MBD2: variants seen among roughly 807,000 people sequenced by gnomAD.
MBD2 encodes methyl-CpG binding domain protein 2, also known as methyl-CpG-binding domain protein 2.
Under a neutral mutation model 39.3 loss-of-function variants are expected in MBD2, and 9 were observed. The ratio of observed to expected loss-of-function variants is 0.23; its 90% CI spans 0.14 to 0.40. The LOEUF is 0.40. Among genes scored for constraint, MBD2 ranks in the 10% least tolerant of loss-of-function variants. The pLI is 1.00. For synonymous variants in MBD2, 233 were observed against 211.1 expected, an observed-to-expected ratio of 1.10 and a Z score of -0.90; for missense variants, 458 against 532.6, an observed-to-expected ratio of 0.86 and a Z score of 1.38.
intron 3 of MBD2, among the ~76,000 whole-genome samples, chr18:54,166,546 A>T (rs2086134178): frequency 1.3e-5 from 2 of 152,212 alleles, no homozygotes; most frequent in Admixed American, 6.5e-5. Flanking sequence ...AAATTACGTG[A>T]TGTGTTATCC....
intron 6 of MBD2, among the ~76,000 whole-genome samples, chr18:54,157,369 T>C (rs1024215223): frequency 1.5e-4 from 23 of 151,946 alleles, no homozygotes; most frequent in Admixed American, 1.5e-3. Context: ...CAAGCGATTC[T>C]CCTGCCTCAG....
In MBD2 at chr18:54,153,333, G is replaced by A. The variant is rs1316586120; in HGVS notation, c.*1991C>T. 2 of 152,248 alleles carry A rather than the reference G, an allele frequency of 1.3e-5. No homozygotes were observed. Among genetic ancestry groups the A allele is most frequent in the Non-Finnish European group, 2.9e-5 (2 of 68,104 alleles). The allele number at this position is 152,248 out of a possible 1,614,324, so 9.4% of individuals were successfully genotyped here. ...GGTGGTAGGTTTGTGGGGACCAGGT[G>A]ATGAAGTTTTGAACATGTTGTCTTG... On this transcript the variant is annotated 3_prime_UTR_variant, in exon 7 of 7. Coordinates refer to ENST00000256429, the MANE Select transcript of MBD2 (RefSeq NM_003927.5).
intron 2 of MBD2, chr18:54,202,991 C>T (rs2086419784): frequency 9.6e-7 from 1 of 1,039,600 alleles, no homozygotes; most frequent in South Asian, 1.3e-5. Flanking sequence ...TAGGAGTTCA[C>T]CAGATGAAGG....
At position 54,189,492 on chromosome 18, in the gene MBD2, G is replaced by T. The variant is rs969708983; in HGVS notation, c.703-481C>A. ...CCGCCTCGGCCTCCCAAAGTGCTGG[G>T]ATTACAGGCGTGAGCCACCGCGCCC... On this transcript the variant is annotated intron_variant, in intron 2 of 6. Coordinates refer to ENST00000256429, the MANE Select transcript of MBD2 (RefSeq NM_003927.5). Among the ~76,000 whole-genome samples, 3 of 152,214 alleles carry T rather than the reference G, an allele frequency of 2.0e-5. No individual in the cohort carries two copies. The East Asian group carries it at 5.8e-4, about 29-fold the overall frequency.
At chr18:54,163,317 A>C (rs2086109527) in intron 5 of MBD2, among the ~76,000 whole-genome samples, 1 of 152,142 alleles carries the variant, frequency 6.6e-6, no homozygotes, top group Admixed American at 6.6e-5. Flanking sequence ...TCTTAAAATT[A>C]TATGATTCGA....
chr18:54,198,674 G>C (rs2144322519), intron 2 of MBD2, among the ~76,000 whole-genome samples: 1 of 152,302 alleles, frequency 6.6e-6, no homozygotes, highest in Non-Finnish European at 1.5e-5. Context: ...TTGCACCACT[G>C]CACTTCCCCC....
intron 1 of MBD2, among the ~76,000 whole-genome samples, chr18:54,210,212 C>A (rs1178129178): frequency 1.3e-5 from 2 of 152,078 alleles, no homozygotes; most frequent in Admixed American, 1.3e-4. Context: ...CCTGAAGAAA[C>A]ATACTAATTA....
intron 3 of MBD2, among the ~76,000 whole-genome samples, chr18:54,167,195 G>C (rs2144284773): frequency 6.6e-6 from 1 of 152,142 alleles, no homozygotes; most frequent in East Asian, 1.9e-4. Context: ...AATATTTGTG[G>C]GAATGACTGA....
chr18:54,203,905 A>C (rs971925665), intron 2 of MBD2, among the ~76,000 whole-genome samples: 2 of 152,220 alleles, frequency 1.3e-5, no homozygotes, highest in African/African-American at 2.4e-5. Flanking sequence ...ATAAATTCCC[A>C]TTTACTCCTT....
intron 2 of MBD2, among the ~76,000 whole-genome samples, chr18:54,189,223 C>CTTTTTT (rs369129707): frequency 7.5e-6 from 1 of 133,942 alleles, no homozygotes. Flanking sequence ...TTTTTGTATA[C>CTTTTTT]TTTTTTTTTT....
In MBD2 at chr18:54,188,928, A is replaced by G. The variant is rs769506412; in HGVS notation, c.786T>C (p.His262=). ...FKQPVTKVTN[H]PSNKVKSDPQ... is the part of the protein sequence containing the mutation. Reference sequence around the variant, plus strand: ...GGTCTGATTTCACTTTATTACTAGGATGATTTGTGACTTTGGTTACCGGTT... The same window carrying G: ...GGTCTGATTTCACTTTATTACTAGGGTGATTTGTGACTTTGGTTACCGGTT... Residue 262 remains histidine, a synonymous_variant, in exon 3 of 7, where the codon CAT becomes CAC. Transcript: ENST00000256429. 1 of 1,610,316 alleles carries G rather than the reference A, an allele frequency of 6.2e-7. No homozygotes were observed. The highest frequency in any genetic ancestry group is 8.5e-7 in the Non-Finnish European group (1 of 1,177,600).
chr18:54,174,232 T>C (rs1365895659), intron 3 of MBD2, among the ~76,000 whole-genome samples: 1 of 151,996 alleles, frequency 6.6e-6, no homozygotes, highest in Non-Finnish European at 1.5e-5. Context: ...TGTACCCAGG[T>C]AGGTGGGAAG....
intron 1 of MBD2, among the ~76,000 whole-genome samples, chr18:54,208,768 A>C (rs1275732228): frequency 6.6e-6 from 1 of 152,250 alleles, no homozygotes; most frequent in Non-Finnish European, 1.5e-5. Flanking sequence ...TTGAAATGTC[A>C]GTTATCCACT....
chr18:54,222,587 C>G, intron 1 of MBD2, among the ~76,000 whole-genome samples: 1 of 152,342 alleles, frequency 6.6e-6, no homozygotes, highest in East Asian at 1.9e-4. Flanking sequence ...CTCGCCCCAG[C>G]CCCGTAACTG....
At chr18:54,195,209 A>G (rs1279969765) in intron 2 of MBD2, among the ~76,000 whole-genome samples, 3 of 152,218 alleles carry the variant, frequency 2.0e-5, no homozygotes, top group East Asian at 1.9e-4. Flanking sequence ...GACTTACGCT[A>G]TACTATATTG....
chr18:54,160,090 A>C, intron 5 of MBD2, 187 bp from the exon 6 acceptor site: 1 of 581,752 alleles, frequency 1.7e-6, no homozygotes, highest in Non-Finnish European at 3.0e-6. Flanking sequence ...TGCCAAAAAG[A>C]GGAATGTTCA....
chr18:54,211,431 G>T (rs1047830399), intron 1 of MBD2, among the ~76,000 whole-genome samples: 2 of 138,032 alleles, frequency 1.4e-5, no homozygotes, highest in Admixed American at 7.5e-5. Flanking sequence ...ACGCAAGCAC[G>T]CACGAGAAAA....
intron 2 of MBD2, among the ~76,000 whole-genome samples, chr18:54,201,600 C>A (rs566528171): frequency 1.3e-5 from 2 of 152,172 alleles, no homozygotes; most frequent in African/African-American, 4.8e-5. Flanking sequence ...CGGTGGCTCA[C>A]ACCTGTAATC....
chr18:54,181,593 A>G lies in MBD2; in HGVS notation c.840+7281T>C, dbSNP rs879727044. On this transcript the variant is annotated intron_variant, in intron 3 of 6. Transcript: ENST00000256429. ...CGGCTCACTACAACCTCCACCTCCC[A>G]GGTTCAGGCAATTCTCTGCCTCAGC... Among the ~76,000 whole-genome samples, 9 of 151,910 alleles carry G rather than the reference A, an allele frequency of 5.9e-5. No individual in the cohort carries two copies. The East Asian group carries it at 7.8e-4, about 13-fold the overall frequency.
Sources: allele counts gnomAD v4.1 joint callset (sites outside exome capture counted in the v4.1 genomes callset), GRCh38; gene constraint gnomAD v4.1.1; transcripts MANE v1.5; gene names NCBI Gene and HGNC (gene_info 2026-07-23, HGNC 2026-07-21).